The following NFAT5 variants were observed in gnomAD, a reference collection of about 807,000 sequenced individuals.
The protein encoded by NFAT5 is nuclear factor of activated T cells 5.
In NFAT5, 31 loss-of-function variants were observed where a neutral mutation model predicts 166.5. The observed-to-expected ratio is 0.19, with a 90% confidence interval of 0.14 to 0.25. The LOEUF (loss-of-function observed/expected upper bound fraction) is 0.25. Among genes scored for constraint, NFAT5 ranks in the 10% least tolerant of loss-of-function variants. The pLI, the probability that NFAT5 is intolerant of heterozygous loss-of-function variation, is 1.00. For missense variants in NFAT5, 1,449 were observed against 1,821.8 expected (o/e 0.80, Z 3.72); for synonymous variants, 612 against 639.7 (o/e 0.96, Z 0.65).
intron 6 of NFAT5, among the ~76,000 whole-genome samples, chr16:69,657,190 G>T (rs1482634979): frequency 6.6e-6 from 1 of 151,700 alleles, no homozygotes; most frequent in Non-Finnish European, 1.5e-5. Flanking sequence ...CAGTGGAGTG[G>T]CACGATCTCG....
intron 2 of NFAT5, among the ~76,000 whole-genome samples, chr16:69,576,221 G>C (rs1438361230): frequency 6.6e-6 from 1 of 151,314 alleles, no homozygotes; most frequent in Non-Finnish European, 1.5e-5. Context: ...GAACCCGGAA[G>C]GTGGAGCTTT....
Position 69,659,775 on chromosome 16 carries a change from C to T in NFAT5, c.1245C>T (p.Ala415=). Residue 415 remains alanine (A), a synonymous_variant, in exon 7 of 15, where the codon GCC becomes GCT. Transcript: ENST00000349945. ...ILKLRNADVE[A]RIGIAGSKKK... is the part of the protein sequence containing the mutation. ...AATTGAGGAATGCTGATGTCGAAGCCAGAATAGGAATTGCTGGTTCCAAGA... is the reference window on the plus strand; with the variant it reads ...AATTGAGGAATGCTGATGTCGAAGCTAGAATAGGAATTGCTGGTTCCAAGA... 1 of 1,613,798 alleles carries T rather than the reference C, an allele frequency of 6.2e-7. No individual in the cohort carries two copies. Among genetic ancestry groups the T allele is most frequent in the Non-Finnish European group, 8.5e-7 (1 of 1,179,932 alleles).
In NFAT5 at chr16:69,690,813, T is replaced by A. The variant is rs188759500; in HGVS notation, c.1775-127T>A. 3.6e-4 allele frequency: 260 copies of A among 715,898 alleles called. 1 individual carries two copies. The highest frequency in any genetic ancestry group is 2.6e-3 in the Middle Eastern group (6 of 2,272). 44.3% of individuals were successfully genotyped at this position (715,898 alleles called of 1,614,324 possible). ...TATATCTTAATATACCAGGTTTGTA[T>A]CTCATGCTACCATTGTAGCATCAAA... On this transcript the variant is annotated intron_variant, in intron 11 of 14. Transcript: ENST00000349945.
At position 69,596,513 on chromosome 16, in the gene NFAT5, T is replaced by C. The variant is rs1395790713; in HGVS notation, c.127+27965T>C. On this transcript the variant is annotated intron_variant, in intron 2 of 14. Coordinates refer to ENST00000349945, the MANE Select transcript of NFAT5 (RefSeq NM_138713.4). ...GGCGGGCAGATCACGAGGTCAGGAGTTCAAGACTATGCTGGCCAACATGGT... is the reference window on the plus strand; with the variant it reads ...GGCGGGCAGATCACGAGGTCAGGAGCTCAAGACTATGCTGGCCAACATGGT... Among the ~76,000 whole-genome samples the C allele has an allele frequency of 2.0e-5, 3 of 150,656 alleles. No individual in the cohort carries two copies. In the East Asian group the frequency reaches 5.8e-4, roughly 29 times the overall value.
intron 3 of NFAT5, among the ~76,000 whole-genome samples, chr16:69,634,042 C>T (rs576515404): frequency 6.7e-6 from 1 of 150,152 alleles, no homozygotes; most frequent in East Asian, 2.0e-4. Context: ...CTTTGGGGGG[C>T]CGAGGCGGGC....
chr16:69,574,578 A>G (rs2142908047), intron 2 of NFAT5, among the ~76,000 whole-genome samples: 1 of 152,254 alleles, frequency 6.6e-6, no homozygotes, highest in Admixed American at 6.5e-5. Flanking sequence ...GGATATATAT[A>G]TTTAATCATT....
intron 2 of NFAT5, among the ~76,000 whole-genome samples, chr16:69,611,043 C>A (rs985198585): frequency 6.6e-6 from 1 of 152,126 alleles, no homozygotes; most frequent in Admixed American, 6.5e-5. Flanking sequence ...TTAGTTTTTT[C>A]TTATTTTTGA....
intron 2 of NFAT5, among the ~76,000 whole-genome samples, chr16:69,605,312 C>T (rs7190756): frequency 0.061 from 9,246 of 152,018 alleles, 305 homozygotes; most frequent in Middle Eastern, 0.11. Flanking sequence ...TGGTGGTGGG[C>T]GCCTGTAATT....
chr16:69,651,300 C>A (rs1454550959), intron 4 of NFAT5, among the ~76,000 whole-genome samples: 1 of 152,204 alleles, frequency 6.6e-6, no homozygotes, highest in Non-Finnish European at 1.5e-5. Context: ...CTTTTCCTCT[C>A]ATCTATCAGT....
chr16:69,583,122 T>C (rs1177984348), intron 2 of NFAT5, among the ~76,000 whole-genome samples: 2 of 151,814 alleles, frequency 1.3e-5, no homozygotes, highest in Non-Finnish European at 2.9e-5. Flanking sequence ...TGGAAATAAT[T>C]TGAAGAAAGG....
chr16:69,573,950 C>G (rs10852457), intron 2 of NFAT5, among the ~76,000 whole-genome samples: 4 of 150,408 alleles, frequency 2.7e-5, no homozygotes, highest in African/African-American at 9.8e-5. Flanking sequence ...CTCAGCTCAC[C>G]GCAACTTCAC....
At chr16:69,630,932 CTTAA>C (rs1179681106) in intron 3 of NFAT5, among the ~76,000 whole-genome samples, 17 of 152,204 alleles carry the variant, frequency 1.1e-4, no homozygotes, top group South Asian at 4.1e-4. Context: ...ATTAAATTTA[CTTAA>C]TTTATTTAAA....
At chr16:69,630,987 A>G (rs996307897) in intron 3 of NFAT5, among the ~76,000 whole-genome samples, 1 of 152,214 alleles carries the variant, frequency 6.6e-6, no homozygotes, top group Non-Finnish European at 1.5e-5. Context: ...TAAGAAATCA[A>G]GTTACTTTCT....
intron 11 of NFAT5, among the ~76,000 whole-genome samples, chr16:69,689,250 C>CAACA (rs1359866029): frequency 6.6e-6 from 1 of 151,924 alleles, no homozygotes; most frequent in Non-Finnish European, 1.5e-5. Flanking sequence ...GCACTCCCAC[C>CAACA]AACAGAGAGA....
intron 2 of NFAT5, among the ~76,000 whole-genome samples, chr16:69,583,350 A>C (rs774478313): frequency 6.6e-6 from 1 of 151,586 alleles, no homozygotes; most frequent in African/African-American, 2.4e-5. Flanking sequence ...CTCAGTGTTT[A>C]CAGGTGTATA....
At position 69,695,192 on chromosome 16, in the gene NFAT5, A is replaced by G. The variant is rs753321494; in HGVS notation, c.4471A>G (p.Ile1491Val). 12 of 1,614,128 alleles carry G rather than the reference A, an allele frequency of 7.4e-6. No homozygotes were observed. The Middle Eastern group carries it at 8.2e-4, about 111-fold the overall frequency. ...TACATTGCCTGATCAGTTGATGGCC[A>G]TAAGTCAGCCAGGCCAACCACAAAA... ...PATLPDQLMA[I>V]SQPGQPQNEG... is the part of the protein sequence containing the mutation. Residue 1491 changes from isoleucine (I) to valine (V), a missense_variant, in exon 14 of 15, where the codon ATA (isoleucine) becomes GTA (valine). Ile to Val is a conservative substitution (Grantham distance 29). Coordinates refer to ENST00000349945, the MANE Select transcript of NFAT5 (RefSeq NM_138713.4).
In NFAT5 at chr16:69,566,453, G is replaced by A; in HGVS notation, c.73+79G>A. On this transcript the variant is annotated intron_variant, in intron 1 of 14. Coordinates refer to ENST00000349945, the MANE Select transcript of NFAT5 (RefSeq NM_138713.4). The surrounding 1 kb of genome is among the most constrained non-coding windows in gnomAD (Gnocchi z 5.7). The stretch of plus-strand genomic sequence containing the variant: ...GAGACAGGGCCAGGGGAGGCGAGGG[G>A]TCCCCGTCCCGCCGGGGGCGGCTGA... The A allele has an allele frequency of 8.0e-7, 1 of 1,252,932 alleles. No homozygotes were observed. Among genetic ancestry groups the A allele is most frequent in the Non-Finnish European group, 1.1e-6 (1 of 884,684 alleles). The allele number at this position is 1,252,932 out of a possible 1,614,324, so 77.6% of individuals were successfully genotyped here. A position where few individuals can be genotyped will look rare whatever the true frequency, so the allele number is the denominator to read the frequency against.
chr16:69,683,393 G>A (rs543234589), intron 10 of NFAT5, among the ~76,000 whole-genome samples: 2 of 151,968 alleles, frequency 1.3e-5, no homozygotes, highest in African/African-American at 2.4e-5. Flanking sequence ...TTAGACTGGC[G>A]TGGTGGCGTG....
intron 2 of NFAT5, among the ~76,000 whole-genome samples, chr16:69,583,862 A>G (rs1412095291): frequency 6.6e-6 from 1 of 152,208 alleles, no homozygotes; most frequent in East Asian, 1.9e-4. Context: ...TATGTAACCT[A>G]CAAGTAGCAA....
Sources: gnomAD v4.1 joint callset for allele counts (sites outside exome capture counted in the v4.1 genomes callset) on GRCh38, gnomAD v4.1.1 for gene constraint, Gnocchi (gnomAD v3.1) non-coding constraint, MANE v1.5 for transcripts, NCBI Gene and HGNC (gene_info 2026-07-23, HGNC 2026-07-21) for gene names.